Variants in PTPRA observed in about 807,000 individuals in gnomAD.
The protein encoded by PTPRA is protein tyrosine phosphatase receptor type A.
Under a neutral mutation model 104.8 loss-of-function variants are expected in PTPRA, and 25 were observed. The ratio of observed to expected loss-of-function variants is 0.24; its 90% CI spans 0.17 to 0.33. PTPRA has a LOEUF of 0.33. Among genes scored for constraint, PTPRA ranks in the 10% least tolerant of loss-of-function variants. The probability of loss-of-function intolerance (pLI) is 1.00; values close to 1 mark genes in which losing one functional copy is unlikely to be tolerated. For synonymous variants in PTPRA, 323 were observed against 368.9 expected (o/e 0.88, Z 1.43); for missense variants, 765 against 1,015.3 (o/e 0.75, Z 3.35).
chr20:3,022,242 TA>T lies in PTPRA; in HGVS notation c.1328+23del, dbSNP rs779664797. On this transcript the variant is annotated intron_variant, in intron 15 of 23. Coordinates refer to ENST00000399903, the MANE Select transcript of PTPRA (RefSeq NM_001385305.1). This position sits in a 1 kb window ranked among gnomAD's most constrained non-coding sequence, Gnocchi z 4.6. ...GCAGGTCAGTGTGGCCTGACCCTTG[TA>T]CCCCCACCCCCACATTTCGCCCCCA... is the stretch of plus-strand genomic sequence containing the variant. 6.2e-7 allele frequency: 1 copy of T among 1,611,792 alleles called. No individual in the cohort carries two copies. Among genetic ancestry groups the T allele is most frequent in the Non-Finnish European group, 8.5e-7 (1 of 1,178,614 alleles).
In PTPRA at chr20:3,035,566, C is replaced by T; in HGVS notation, c.1921-19C>T. ...ATGTGGTACTCTGAGCTCCTCACCT[C>T]TCCAACCTGTCTCTCCAGGAGAAGT... On this transcript the variant is annotated intron_variant, in intron 20 of 23. Transcript: ENST00000399903. This position sits in a 1 kb window ranked among gnomAD's most constrained non-coding sequence, Gnocchi z 5.8. 6.2e-7 allele frequency: 1 copy of T among 1,606,464 alleles called. No individual in the cohort carries two copies. Among genetic ancestry groups the T allele is most frequent in the East Asian group, 2.2e-5 (1 of 44,844 alleles).
At chr20:3,033,790 C>T (rs1253641295) in intron 20 of PTPRA, among the ~76,000 whole-genome samples, 2 of 151,114 alleles carry the variant, frequency 1.3e-5, no homozygotes, top group African/African-American at 4.9e-5. Context: ...ATCTCAGCTA[C>T]TGGGGAGGCT....
At position 2,874,090 on chromosome 20, in the gene PTPRA, C is replaced by T. The variant is rs76174305; in HGVS notation, c.-129+330C>T. 1.4e-4 allele frequency among the ~76,000 whole-genome samples: 22 copies of T among 152,160 alleles called. No homozygotes were observed. The East Asian group carries it at 4.3e-3, about 29-fold the overall frequency. ...CTTAGAACGGCGAGAACAGAATTTG[C>T]TCAGGTCCATTTAATGGGAGGAAAG... is the stretch of plus-strand genomic sequence containing the variant. On this transcript the variant is annotated intron_variant, in intron 1 of 23. Coordinates refer to ENST00000399903, the MANE Select transcript of PTPRA (RefSeq NM_001385305.1).
At chr20:3,010,615 G>A (rs1323655161) in intron 11 of PTPRA, among the ~76,000 whole-genome samples, 4 of 151,960 alleles carry the variant, frequency 2.6e-5, no homozygotes, top group Non-Finnish European at 4.4e-5. Flanking sequence ...GCGACAGAGC[G>A]AGACTCTGTC....
chr20:3,026,680 A>G lies in PTPRA; in HGVS notation c.1615-7A>G. ...CAGTAATGTTTCCCCTCCCCTTCCC[A>G]ATTCAGAAGTTAACATCAATCAAAA... On this transcript the variant is annotated splice_polypyrimidine_tract_variant and splice_region_variant and intron_variant, in intron 17 of 23. Coordinates refer to ENST00000399903, the MANE Select transcript of PTPRA (RefSeq NM_001385305.1). 1 of 1,600,834 alleles carries G rather than the reference A, an allele frequency of 6.2e-7. No individual in the cohort carries two copies. The highest frequency in any genetic ancestry group is 2.2e-5 in the East Asian group (1 of 44,818).
intron 1 of PTPRA, among the ~76,000 whole-genome samples, chr20:2,901,966 A>G (rs1277155207): frequency 6.6e-6 from 1 of 151,922 alleles, no homozygotes; most frequent in Non-Finnish European, 1.5e-5. Flanking sequence ...GCTCACTGCA[A>G]CCTCTGCCTC....
At chr20:2,918,220 G>A (rs1405381518) in intron 1 of PTPRA, among the ~76,000 whole-genome samples, 1 of 151,902 alleles carries the variant, frequency 6.6e-6, no homozygotes, top group Non-Finnish European at 1.5e-5. Flanking sequence ...AACGAGACAG[G>A]GTGACCAGGC....
At chr20:2,992,196 A>C (rs1287349228) in intron 9 of PTPRA, among the ~76,000 whole-genome samples, 1 of 152,152 alleles carries the variant, frequency 6.6e-6, no homozygotes, top group African/African-American at 2.4e-5. Flanking sequence ...GGCATGTCCA[A>C]ATCTATGGCT....
intron 13 of PTPRA, among the ~76,000 whole-genome samples, chr20:3,018,144 C>T (rs1227932237): frequency 6.6e-6 from 1 of 152,194 alleles, no homozygotes; most frequent in Non-Finnish European, 1.5e-5. Context: ...ACCCTGGTTC[C>T]AGAACAGCCT....
intron 2 of PTPRA, among the ~76,000 whole-genome samples, chr20:2,929,969 G>A (rs1166332252): frequency 1.3e-5 from 2 of 152,198 alleles, no homozygotes; most frequent in Non-Finnish European, 2.9e-5. Flanking sequence ...ATGACCAGGT[G>A]AGGATACAGT....
At chr20:2,894,758 G>A (rs1020686851) in intron 1 of PTPRA, among the ~76,000 whole-genome samples, 2 of 152,036 alleles carry the variant, frequency 1.3e-5, no homozygotes, top group African/African-American at 2.4e-5. Flanking sequence ...AGGCTGAGGC[G>A]GGTGGATCAC....
intron 5 of PTPRA, among the ~76,000 whole-genome samples, chr20:2,965,470 C>T (rs1042817950): frequency 6.6e-6 from 1 of 151,826 alleles, no homozygotes; most frequent in African/African-American, 2.4e-5. Context: ...CTTAAAAAGA[C>T]AAGAGAAATA....
chr20:2,982,750 G>T (rs2148097476), intron 6 of PTPRA, among the ~76,000 whole-genome samples: 1 of 151,220 alleles, frequency 6.6e-6, no homozygotes. Context: ...AGGCTGAAGT[G>T]CAGTGGCGCA....
the PTPRA span, chr20:2,864,573 G>A: frequency 8.0e-5 from 129 of 1,614,138 alleles, no homozygotes; most frequent in African/African-American, 8.5e-4. This position sits in a 1 kb window ranked among gnomAD's most constrained non-coding sequence, Gnocchi z 5.2. Context: ...AGCTAGAGAC[G>A]CTGAAGGACC....
chr20:2,986,326 G>A (rs1321992576), intron 6 of PTPRA, among the ~76,000 whole-genome samples: 1 of 152,170 alleles, frequency 6.6e-6, no homozygotes, highest in Non-Finnish European at 1.5e-5. Context: ...ACCCATTGAG[G>A]CTGAGAGAGT....
At chr20:2,879,374 G>A (rs903735600) in intron 1 of PTPRA, among the ~76,000 whole-genome samples, 23 of 152,196 alleles carry the variant, frequency 1.5e-4, no homozygotes, top group Admixed American at 6.5e-4. Flanking sequence ...GCTCCTGGGT[G>A]AGGCAGATGC....
chr20:2,864,927 G>C, the PTPRA span: 1 of 1,610,936 alleles, frequency 6.2e-7, no homozygotes, highest in Non-Finnish European at 8.5e-7. The surrounding 1 kb of genome is among the most constrained non-coding windows in gnomAD (Gnocchi z 5.2). Context: ...GGGTGAGGAG[G>C]GCGAGGGTCC....
At position 3,015,733 on chromosome 20, in the gene PTPRA, C is replaced by T. The variant is rs867201904; in HGVS notation, c.907-116C>T. On this transcript the variant is annotated intron_variant, in intron 11 of 23. Coordinates refer to ENST00000399903, the MANE Select transcript of PTPRA (RefSeq NM_001385305.1). ...TGTGAATATCTAGACTGGAAATCCCCGTTAAGTACCTGCACATTTTCAGGT... is the reference window on the plus strand; with the variant it reads ...TGTGAATATCTAGACTGGAAATCCCTGTTAAGTACCTGCACATTTTCAGGT... 4.2e-5 allele frequency: 33 copies of T among 792,572 alleles called. No homozygotes were observed. In the Middle Eastern group the frequency reaches 1.8e-3, roughly 44 times the overall value. 49.1% of individuals were successfully genotyped at this position (792,572 alleles called of 1,614,324 possible).
chr20:2,998,691 T>A (rs1367656212), intron 9 of PTPRA, among the ~76,000 whole-genome samples: 2 of 152,136 alleles, frequency 1.3e-5, no homozygotes, highest in East Asian at 3.8e-4. Context: ...CAGTCACTGG[T>A]GACTATTGGG....
Sources: gnomAD v4.1 joint callset for allele counts (sites outside exome capture counted in the v4.1 genomes callset) on GRCh38, gnomAD v4.1.1 for gene constraint, Gnocchi (gnomAD v3.1) non-coding constraint, MANE v1.5 for transcripts, NCBI Gene and HGNC (gene_info 2026-07-23, HGNC 2026-07-21) for gene names.